RANBP2: variants seen among roughly 807,000 people sequenced by gnomAD.
The protein encoded by RANBP2 is E3 SUMO-protein ligase RanBP2.
A neutral mutation model predicts 303.6 loss-of-function variants in RANBP2; 57 were observed. That is an observed-to-expected ratio of 0.19 (90% CI 0.15 to 0.23). RANBP2 has a LOEUF of 0.23. Ranked by LOEUF, RANBP2 falls within the 10% of genes least tolerant of loss-of-function variation. RANBP2 has a pLI of 1.00. For synonymous variants in RANBP2, 1,167 were observed against 1,301.5 expected (o/e 0.90, Z 2.23); for missense variants, 3,138 against 3,780.8 (o/e 0.83, Z 4.46).
the RANBP2 span, among the ~76,000 whole-genome samples, chr2:109,743,077 C>A: frequency 6.8e-6 from 1 of 147,748 alleles, no homozygotes; most frequent in Non-Finnish European, 1.5e-5. Flanking sequence ...TCAAGAGCAG[C>A]CTGTGCAACA....
the RANBP2 span, chr2:108,846,739 A>G: frequency 1.2e-6 from 2 of 1,603,552 alleles, no homozygotes; most frequent in African/African-American, 1.3e-5. Context: ...TTTTAACAGC[A>G]CTCGACTATG....
the RANBP2 span, among the ~76,000 whole-genome samples, chr2:109,629,333 ATATATATATATATATATATATATTTTTT>A: frequency 0.029 from 305 of 10,584 alleles, 12 homozygotes; most frequent in African/African-American, 0.077. Context: ...ATATATATAT[ATATATATATATATATATATATATTTTTT>A]TTTTTTTTTT....
Position 108,753,868 on chromosome 2 carries a change from C to T in RANBP2, c.2099C>T (p.Ser700Phe). The T allele has an allele frequency of 2.5e-6, 4 of 1,611,998 alleles. No homozygotes were observed. The highest frequency in any genetic ancestry group is 2.2e-5 in the East Asian group (1 of 44,866). The change falls in exon 15 of 29, where the codon TCT (serine) becomes TTT (phenylalanine). Residue 700 changes from serine (S) to phenylalanine (F), a missense_variant. Ser to Phe is a radical substitution (Grantham distance 155). Transcript: ENST00000283195. ...GAAGACATTGAAAATGATGCCCTTTCTCCTGAAGAACAAGAAGAATGCAAA... is the reference window on the plus strand; with the variant it reads ...GAAGACATTGAAAATGATGCCCTTTTTCCTGAAGAACAAGAAGAATGCAAA... ...KAEDIENDALSPEEQEECKNY... is the reference protein window; with the variant it reads ...KAEDIENDALFPEEQEECKNY...
At chr2:109,416,371 G>A in the RANBP2 span, among the ~76,000 whole-genome samples, 1 of 151,912 alleles carries the variant, frequency 6.6e-6, no homozygotes, top group South Asian at 2.1e-4. Flanking sequence ...GAGGAGGGCA[G>A]ATCACCTGAG....
chr2:109,051,758 T>C, the RANBP2 span, among the ~76,000 whole-genome samples: 3 of 152,002 alleles, frequency 2.0e-5, no homozygotes, highest in East Asian at 5.8e-4. Context: ...AGTTCTTTTT[T>C]TTTTTTTTGA....
chr2:109,269,965 C>T, the RANBP2 span, among the ~76,000 whole-genome samples: 3 of 152,200 alleles, frequency 2.0e-5, no homozygotes, highest in Non-Finnish European at 4.4e-5. Context: ...GAATTCCTAG[C>T]TGTACAGAAA....
chr2:109,447,162 A>G, the RANBP2 span, among the ~76,000 whole-genome samples: 3 of 151,410 alleles, frequency 2.0e-5, no homozygotes, highest in Middle Eastern at 3.4e-3. Context: ...AAAAAAAAAA[A>G]AAAAAAGAAA....
At chr2:109,689,468 A>C in the RANBP2 span, among the ~76,000 whole-genome samples, 22 of 152,258 alleles carry the variant, frequency 1.4e-4, no homozygotes, top group Non-Finnish European at 3.1e-4. Context: ...ATGTACATTT[A>C]AACTGGGCAG....
the RANBP2 span, among the ~76,000 whole-genome samples, chr2:109,163,591 G>A: frequency 1.3e-5 from 2 of 151,198 alleles, no homozygotes; most frequent in Admixed American, 1.3e-4. Context: ...AGTAGAGACG[G>A]GGTTTCACCG....
chr2:109,129,842 TG>T, the RANBP2 span: 1 of 1,532,622 alleles, frequency 6.5e-7, no homozygotes. Flanking sequence ...CGCATCCTGG[TG>T]GGCTGCGGCG....
chr2:109,271,779 G>C, the RANBP2 span, among the ~76,000 whole-genome samples: 1 of 152,236 alleles, frequency 6.6e-6, no homozygotes, highest in Non-Finnish European at 1.5e-5. Flanking sequence ...TATCAGTATT[G>C]AGGCCCACAA....
the RANBP2 span, among the ~76,000 whole-genome samples, chr2:109,572,259 T>C: frequency 2.6e-5 from 4 of 152,078 alleles, no homozygotes; most frequent in Non-Finnish European, 4.4e-5. Context: ...GTCTCCCGAG[T>C]AGCCGGGACT....
chr2:109,356,956 C>T, the RANBP2 span, among the ~76,000 whole-genome samples: 1 of 152,170 alleles, frequency 6.6e-6, no homozygotes, highest in African/African-American at 2.4e-5. Flanking sequence ...CGTGATGGTC[C>T]ACTTCTGCAG....
the RANBP2 span, among the ~76,000 whole-genome samples, chr2:109,426,031 G>A: frequency 6.6e-6 from 1 of 152,138 alleles, no homozygotes; most frequent in Admixed American, 6.5e-5. Flanking sequence ...CCCGGTAGCT[G>A]GGATTACAGG....
chr2:109,046,140 TA>T, the RANBP2 span, among the ~76,000 whole-genome samples: 1 of 151,452 alleles, frequency 6.6e-6, no homozygotes, highest in Non-Finnish European at 1.5e-5. Context: ...CCGTCTCTAC[TA>T]AAAATACAAA....
the RANBP2 span, among the ~76,000 whole-genome samples, chr2:109,212,006 A>G: frequency 2.6e-5 from 4 of 152,218 alleles, no homozygotes; most frequent in African/African-American, 9.6e-5. Context: ...AATTCAATAA[A>G]TGACTGATTG....
chr2:109,013,593 A>C, the RANBP2 span, among the ~76,000 whole-genome samples: 103 of 151,474 alleles, frequency 6.8e-4, 1 homozygote, highest in East Asian at 0.019. Context: ...TCTCTTTCCA[A>C]TCTTTTTTTT....
At chr2:108,933,157 C>T in the RANBP2 span, among the ~76,000 whole-genome samples, 5 of 152,180 alleles carry the variant, frequency 3.3e-5, no homozygotes, top group South Asian at 2.1e-4. Flanking sequence ...AGAATGCCTC[C>T]GGGTGTATTT....
the RANBP2 span, among the ~76,000 whole-genome samples, chr2:108,921,250 C>T: frequency 3.9e-5 from 6 of 152,066 alleles, no homozygotes. Context: ...CTGGGGAGAC[C>T]CTGACACTGA....
Sources: allele counts gnomAD v4.1 joint callset (sites outside exome capture counted in the v4.1 genomes callset), GRCh38; gene constraint gnomAD v4.1.1; transcripts MANE v1.5; gene names NCBI Gene and HGNC (gene_info 2026-07-23, HGNC 2026-07-21).